Variants in SWT1 observed in about 807,000 individuals in gnomAD.
The protein encoded by SWT1 is transcriptional protein SWT1.
In SWT1, 33 loss-of-function variants were observed where a neutral mutation model predicts 107.3. The observed-to-expected ratio is 0.31, with a 90% CI of 0.23 to 0.41. The LOEUF (loss-of-function observed/expected upper bound fraction) is 0.41, where lower values mean the gene tolerates loss of function less well. SWT1 is among the 10% of genes least tolerant of loss of function. The pLI, the probability that SWT1 is intolerant of heterozygous loss-of-function variation, is 1.00. For synonymous variants in SWT1, 345 were observed against 348.3 expected (o/e 0.99, Z 0.11); for missense variants, 898 against 1,028.9 (o/e 0.87, Z 1.74).
chr1:185,265,410 G>A (rs1392144095), intron 16 of SWT1, among the ~76,000 whole-genome samples: 2 of 151,922 alleles, frequency 1.3e-5, no homozygotes, highest in Admixed American at 6.6e-5. Flanking sequence ...CCCCCCAAAC[G>A]TGCTCTAAGA....
intron 14 of SWT1, among the ~76,000 whole-genome samples, chr1:185,216,332 T>C (rs754002293): frequency 6.6e-6 from 1 of 152,172 alleles, no homozygotes; most frequent in South Asian, 2.1e-4. Flanking sequence ...GCATGAGTAT[T>C]GTACCTTGAT....
intron 1 of SWT1, among the ~76,000 whole-genome samples, chr1:185,160,570 C>T (rs1455767448): frequency 6.6e-6 from 1 of 151,960 alleles, no homozygotes. Flanking sequence ...GGCATGGTGG[C>T]ACATGCCTGT....
chr1:185,197,603 G>A (rs958299507), intron 10 of SWT1, among the ~76,000 whole-genome samples: 19 of 152,096 alleles, frequency 1.2e-4, no homozygotes, highest in African/African-American at 4.6e-4. Flanking sequence ...TTTTTGGTTG[G>A]TAGGCTATTA....
At chr1:185,181,719 G>T (rs1656033525) in intron 6 of SWT1, among the ~76,000 whole-genome samples, 2 of 152,218 alleles carry the variant, frequency 1.3e-5, no homozygotes, top group Non-Finnish European at 2.9e-5. Context: ...ACCCAAAGTT[G>T]TTAAATAATT....
At chr1:185,280,743 G>A (rs1664563317) in intron 18 of SWT1, 1 of 261,950 alleles carries the variant, frequency 3.8e-6, no homozygotes, top group Admixed American at 4.5e-5. Flanking sequence ...TGCCAAACTG[G>A]AATAGGAGAA....
At chr1:185,161,401 A>G (rs893824668) in intron 2 of SWT1, among the ~76,000 whole-genome samples, 1 of 152,168 alleles carries the variant, frequency 6.6e-6, no homozygotes, top group Non-Finnish European at 1.5e-5. Flanking sequence ...TCTCTCAGAC[A>G]CTACCTTAAG....
Position 185,160,815 on chromosome 1 carries a change from T to G in SWT1, c.-9-18T>G. The G allele has an allele frequency of 6.4e-7, 1 of 1,573,266 alleles. No individual in the cohort carries two copies. The highest frequency in any genetic ancestry group is 8.6e-7 in the Non-Finnish European group (1 of 1,156,070). On this transcript the variant is annotated intron_variant, in intron 1 of 18. Transcript: ENST00000367500. ...TTGAGTGCAAAAACAAATCCTATATTTTTAATGTTTATGTTAGCTTTTCAG... is the reference window on the plus strand; with the variant it reads ...TTGAGTGCAAAAACAAATCCTATATGTTTAATGTTTATGTTAGCTTTTCAG...
chr1:185,240,158 G>A (rs1456313397), intron 16 of SWT1, among the ~76,000 whole-genome samples: 2 of 151,960 alleles, frequency 1.3e-5, no homozygotes, highest in East Asian at 3.8e-4. Context: ...GAGGGTGAAG[G>A]TGAGAAACTT....
intron 11 of SWT1, among the ~76,000 whole-genome samples, chr1:185,203,477 C>T (rs900790495): frequency 6.6e-5 from 10 of 151,956 alleles, no homozygotes; most frequent in Middle Eastern, 3.4e-3. Context: ...AAAAATTCGC[C>T]GGGCGTGGTG....
chr1:185,243,838 C>CTTTGTTGAAATA (rs1478194731), intron 16 of SWT1, among the ~76,000 whole-genome samples: 201 of 152,048 alleles, frequency 1.3e-3, no homozygotes, highest in Middle Eastern at 6.8e-3. Flanking sequence ...ATATTTTCTC[C>CTTTGTTGAAATA]AGCCAAATTG....
chr1:185,226,947 G>A (rs1331053259), intron 15 of SWT1: 4 of 988,090 alleles, frequency 4.0e-6, no homozygotes, highest in South Asian at 2.9e-5. Flanking sequence ...TTCATAGACT[G>A]GATTCTTTTG....
Position 185,278,719 on chromosome 1 carries a change from T to A in SWT1, c.2573+2051T>A, listed in dbSNP as rs139763445. On this transcript the variant is annotated intron_variant, in intron 18 of 18. Transcript: ENST00000367500. ...GCCACTGCATTGTATAGTCATGCAA[T>A]AAAAACCACAAGGTTTATGGGAAAA... Among the ~76,000 whole-genome samples the A allele has an allele frequency of 1.3e-3, 196 of 152,300 alleles. 1 individual carries two copies. Among genetic ancestry groups the A allele is most frequent in the African/African-American group, 4.5e-3 (186 of 41,562 alleles).
At chr1:185,210,530 C>T (rs893864885) in intron 13 of SWT1, among the ~76,000 whole-genome samples, 4 of 152,188 alleles carry the variant, frequency 2.6e-5, no homozygotes, top group Non-Finnish European at 4.4e-5. Context: ...ATTGATGGAA[C>T]GTATCTCAAA....
intron 10 of SWT1, 117 bp downstream of exon 10, chr1:185,190,759 C>T: frequency 1.7e-6 from 1 of 593,248 alleles, no homozygotes; most frequent in South Asian, 2.5e-5. Context: ...TCCAAATCTG[C>T]CAGTAAGCAT....
chr1:185,206,659 A>C lies in SWT1; in HGVS notation c.1868A>C (p.His623Pro), dbSNP rs995774228. ...CTGAAACCACCATGGACTCTACTAC[A>C]TTTACTACAGTGCTTTAAAAAACAT... ...LYLKPPWTLLHLLQCFKKHWL... is the reference protein window; with the variant it reads ...LYLKPPWTLLPLLQCFKKHWL... The change falls in exon 13 of 19, where the codon CAT becomes CCT. Residue 623 changes from histidine (H) to proline (P), a missense_variant. Around this residue, in one of 6 missense-constraint regions of SWT1, gnomAD observed 382 missense variants for 460.0 expected, o/e 0.83. Coordinates refer to ENST00000367500, the MANE Select transcript of SWT1 (RefSeq NM_017673.7). 6.2e-7 allele frequency: 1 copy of C among 1,606,572 alleles called. No homozygotes were observed. Among genetic ancestry groups the C allele is most frequent in the South Asian group, 1.1e-5 (1 of 89,920 alleles).
At chr1:185,161,299 G>A (rs987636185) in intron 2 of SWT1, among the ~76,000 whole-genome samples, 23 of 152,094 alleles carry the variant, frequency 1.5e-4, no homozygotes, top group African/African-American at 5.6e-4. Context: ...CCTCAACGTT[G>A]GCTAGGATTG....
chr1:185,217,544 A>T (rs929076892), intron 14 of SWT1, among the ~76,000 whole-genome samples: 3 of 151,798 alleles, frequency 2.0e-5, no homozygotes, highest in Non-Finnish European at 4.4e-5. Flanking sequence ...GCTCCCACTG[A>T]TTCTACATTA....
chr1:185,288,750 A>C (rs1286113094), intron 18 of SWT1, among the ~76,000 whole-genome samples: 1 of 152,126 alleles, frequency 6.6e-6, no homozygotes, highest in Admixed American at 6.6e-5. Flanking sequence ...ACCATCTCCC[A>C]GTAGATTAAA....
chr1:185,271,380 CA>C lies in SWT1; in HGVS notation c.2501del (p.Lys834SerfsTer4). On this transcript the variant is annotated frameshift_variant, in exon 17 of 19. Transcript: ENST00000367500. LOFTEE classifies it high-confidence loss of function. Reference sequence around the variant, plus strand: ...TTGAGACCCTCTATAACTTCCTAATCAAGTATGAGGTATGGGAAATATTTTA... The same window carrying C: ...TTGAGACCCTCTATAACTTCCTAATCAGTATGAGGTATGGGAAATATTTTA... ...DVETLYNFLI[K>X]YEVNKNVKFT... is the part of the protein sequence containing the mutation. The C allele has an allele frequency of 6.8e-7, 1 of 1,468,124 alleles. No homozygotes were observed. Among genetic ancestry groups the C allele is most frequent in the Non-Finnish European group, 9.5e-7 (1 of 1,050,158 alleles). The allele number at this position is 1,468,124 out of a possible 1,614,324, so 90.9% of individuals were successfully genotyped here.
Sources: allele counts gnomAD v4.1 joint callset (sites outside exome capture counted in the v4.1 genomes callset), GRCh38; gene constraint gnomAD v4.1.1; regional missense constraint gnomAD v4.1.1; transcripts MANE v1.5; gene names NCBI Gene and HGNC (gene_info 2026-07-23, HGNC 2026-07-21).